The following GALNT2 variants were observed in gnomAD, a reference collection of about 807,000 sequenced individuals.
The protein encoded by GALNT2 is UDP-GalNAc:polypeptide N-acetylgalactosaminyltransferase 2.
GALNT2 carries 31 observed loss-of-function variants against 81.4 expected under a neutral mutation model. The ratio of observed to expected loss-of-function variants is 0.38; its 90% CI spans 0.29 to 0.51. The LOEUF is 0.51. Ranked by LOEUF, GALNT2 falls within the 20% of genes least tolerant of loss-of-function variation. The pLI is 0.87. For synonymous variants in GALNT2, 303 were observed against 287.4 expected (o/e 1.05, Z -0.55); for missense variants, 629 against 765.7 (o/e 0.82, Z 2.11).
intron 14 of GALNT2, among the ~76,000 whole-genome samples, chr1:230,268,921 A>G (rs1666101912): frequency 1.3e-5 from 2 of 152,112 alleles, no homozygotes; most frequent in African/African-American, 4.8e-5. Context: ...CTCTGCACCA[A>G]CTTCAGGGGT....
chr1:230,206,955 G>A (rs1031691537), intron 3 of GALNT2, among the ~76,000 whole-genome samples: 2 of 151,772 alleles, frequency 1.3e-5, no homozygotes, highest in African/African-American at 4.8e-5. Context: ...ATCTTCCCTA[G>A]GAGTTCAACC....
chr1:230,200,651 CT>C (rs1663862965), intron 2 of GALNT2, among the ~76,000 whole-genome samples: 1 of 152,234 alleles, frequency 6.6e-6, no homozygotes, highest in Non-Finnish European at 1.5e-5. Context: ...GCTTCTAGAG[CT>C]GTGCAGAGGC....
intron 2 of GALNT2, among the ~76,000 whole-genome samples, chr1:230,191,320 C>A (rs537671057): frequency 6.6e-6 from 1 of 152,102 alleles, no homozygotes; most frequent in Non-Finnish European, 1.5e-5. Context: ...TTTGAGGAAG[C>A]GGAAGCAGTG....
Position 230,271,555 on chromosome 1 carries a change from A to G in GALNT2, c.1441-2890A>G, listed in dbSNP as rs1172390103. Among the ~76,000 whole-genome samples the G allele has an allele frequency of 6.6e-6, 1 of 152,206 alleles. No individual in the cohort carries two copies. Among genetic ancestry groups the G allele is most frequent in the Non-Finnish European group, 1.5e-5 (1 of 68,028 alleles). On this transcript the variant is annotated intron_variant, in intron 14 of 15. Coordinates refer to ENST00000366672, the MANE Select transcript of GALNT2 (RefSeq NM_004481.5). The surrounding 1 kb of genome is among the most constrained non-coding windows in gnomAD (Gnocchi z 4.2). ...TACTCCAGATGCCAGTCACAAGTCC[A>G]AGTTGTCACCTGCTGTCTGACTGTA...
At chr1:230,224,296 C>G (rs1259100982) in intron 3 of GALNT2, among the ~76,000 whole-genome samples, 1 of 152,162 alleles carries the variant, frequency 6.6e-6, no homozygotes, top group Non-Finnish European at 1.5e-5. Flanking sequence ...GGCAGCTTGT[C>G]CCCTGGCATC....
chr1:230,250,264 C>T lies in GALNT2; in HGVS notation c.906-193C>T, dbSNP rs114082656. Among the ~76,000 whole-genome samples the T allele has an allele frequency of 3.9e-3, 589 of 152,292 alleles. 7 individuals are homozygous for T. The highest frequency in any genetic ancestry group is 0.014 in the African/African-American group (569 of 41,554). On this transcript the variant is annotated intron_variant, in intron 9 of 15. Transcript: ENST00000366672. ...ATCCAGGCAGGGACAGTGGGGGAGG[C>T]ATTTGAAGGCAGCAGTGGTGAAGCA...
chr1:230,066,940 A>G (rs2102737335), upstream of GALNT2, among the ~76,000 whole-genome samples: 1 of 150,324 alleles, frequency 6.7e-6, no homozygotes, highest in Admixed American at 6.6e-5. Flanking sequence ...CTCACGGCGG[A>G]GCCCGGCGTG....
At chr1:230,236,189 G>A in intron 4 of GALNT2, 77 bp downstream of exon 4, 2 of 1,471,966 alleles carry the variant, frequency 1.4e-6, no homozygotes, top group Non-Finnish European at 9.4e-7. Flanking sequence ...GACCAGGGCT[G>A]TCAGTGGGGG....
intron 1 of GALNT2, among the ~76,000 whole-genome samples, chr1:230,152,286 A>T (rs1036442784): frequency 1.3e-5 from 2 of 152,164 alleles, no homozygotes; most frequent in African/African-American, 4.8e-5. Flanking sequence ...ACTTCTTTGA[A>T]TCCCCAGTCG....
chr1:230,057,917 G>A (rs1658952517), upstream of GALNT2: 2 of 415,206 alleles, frequency 4.8e-6, no homozygotes, highest in Non-Finnish European at 9.9e-6. Flanking sequence ...GGTTAGGTAA[G>A]TGTCGTCCGG....
intron 6 of GALNT2, among the ~76,000 whole-genome samples, chr1:230,238,669 A>T (rs1369179437): frequency 6.6e-6 from 1 of 152,220 alleles, no homozygotes; most frequent in Non-Finnish European, 1.5e-5. Context: ...GGTGAAATAC[A>T]TTGGTTGATT....
intron 8 of GALNT2, among the ~76,000 whole-genome samples, chr1:230,248,435 T>TGGG (rs1278460276): frequency 6.6e-6 from 1 of 152,152 alleles, no homozygotes; most frequent in Admixed American, 6.5e-5. Flanking sequence ...CTTCCGCAGG[T>TGGG]GGAGCCTGCT....
chr1:230,149,002 A>G (rs1413851203), intron 1 of GALNT2, among the ~76,000 whole-genome samples: 1 of 151,156 alleles, frequency 6.6e-6, no homozygotes, highest in East Asian at 2.0e-4. Flanking sequence ...TGCCTCAGCC[A>G]TCTGACTAGC....
At chr1:230,265,934 G>A (rs1189330750) in intron 14 of GALNT2, among the ~76,000 whole-genome samples, 1 of 152,260 alleles carries the variant, frequency 6.6e-6, no homozygotes, top group Non-Finnish European at 1.5e-5. Context: ...GCGCACGCCT[G>A]TAATCCCAAC....
intron 1 of GALNT2, among the ~76,000 whole-genome samples, chr1:230,126,016 A>C (rs1661165201): frequency 6.6e-6 from 1 of 152,228 alleles, no homozygotes; most frequent in South Asian, 2.1e-4. Context: ...CCCTTCAAGC[A>C]TGGGGAGGCC....
chr1:230,166,491 T>TTTCAAATGC (rs1360510629), intron 1 of GALNT2, among the ~76,000 whole-genome samples: 1 of 152,228 alleles, frequency 6.6e-6, no homozygotes, highest in Non-Finnish European at 1.5e-5. Context: ...GTCAGGCCTT[T>TTTCAAATGC]TTCAAATGCC....
intron 1 of GALNT2, among the ~76,000 whole-genome samples, chr1:230,139,817 A>G (rs1661671660): frequency 6.6e-6 from 1 of 152,226 alleles, no homozygotes; most frequent in South Asian, 2.1e-4. Flanking sequence ...ACTCAGGTTT[A>G]TGGAGAGTTG....
Position 230,185,299 on chromosome 1 carries a change from T to TGC in GALNT2, c.220+6989_220+6990insCG, listed in dbSNP as rs200753059. On this transcript the variant is annotated intron_variant, in intron 2 of 15. Transcript: ENST00000366672. ...GTGTGTGTGTGTGTGTGTGTGTGTG[T>TGC]GTGCGCGCGTGTGTGTGTGTGTTTA... Among the ~76,000 whole-genome samples, 4 of 116,458 alleles carry TGC rather than the reference T, an allele frequency of 3.4e-5. No homozygotes were observed. In the East Asian group the frequency reaches 8.9e-4, roughly 26 times the overall value. 76.4% of individuals were successfully genotyped at this position (116,458 alleles called of 152,430 possible).
intron 1 of GALNT2, among the ~76,000 whole-genome samples, chr1:230,159,242 C>A (rs1555290): frequency 0.89 from 135,735 of 152,190 alleles, 60,773 homozygotes; most frequent in East Asian, 0.96. Flanking sequence ...GGTTTTGGTC[C>A]ATGATTGCTC....
Sources: gnomAD v4.1 joint callset for allele counts (sites outside exome capture counted in the v4.1 genomes callset) on GRCh38, gnomAD v4.1.1 for gene constraint, Gnocchi (gnomAD v3.1) non-coding constraint, MANE v1.5 for transcripts, NCBI Gene and HGNC (gene_info 2026-07-23, HGNC 2026-07-21) for gene names.